RAPGEF4: variants seen among roughly 807,000 people sequenced by gnomAD.
RAPGEF4 encodes Rap guanine nucleotide exchange factor 4.
RAPGEF4 carries 66 observed loss-of-function variants against 147.9 expected under a neutral mutation model. The ratio of observed to expected loss-of-function variants is 0.45; its 90% confidence interval spans 0.37 to 0.55. The LOEUF (loss-of-function observed/expected upper bound fraction) is 0.55. Among genes scored for constraint, RAPGEF4 ranks in the 20% least tolerant of loss-of-function variants. The pLI, the probability that RAPGEF4 is intolerant of heterozygous loss-of-function variation, is 0.00. For synonymous variants in RAPGEF4, 419 were observed against 442.7 expected, an observed-to-expected ratio of 0.95 and a Z score of 0.67; for missense variants, 1,071 against 1,257.3, an observed-to-expected ratio of 0.85 and a Z score of 2.24.
At position 172,925,016 on chromosome 2, in the gene RAPGEF4, T is replaced by C. The variant is rs376636531; in HGVS notation, c.537+2716T>C. Among the ~76,000 whole-genome samples, 23 of 152,292 alleles carry C rather than the reference T, an allele frequency of 1.5e-4. 1 individual carries two copies. The highest frequency in any genetic ancestry group is 3.9e-4 in the East Asian group (2 of 5,184). ...AGGCTGGAGTGCAGTGGCATGATCTTGGCTCACTGCAAGCTCCGCAGTGGC... is the reference window on the plus strand; with the variant it reads ...AGGCTGGAGTGCAGTGGCATGATCTCGGCTCACTGCAAGCTCCGCAGTGGC... On this transcript the variant is annotated intron_variant, in intron 6 of 30. Transcript: ENST00000397081.
At chr2:172,783,956 A>G (rs191792086) in intron 1 of RAPGEF4, among the ~76,000 whole-genome samples, 8 of 152,194 alleles carry the variant, frequency 5.3e-5, no homozygotes, top group Admixed American at 4.6e-4. Context: ...AACTGAGTTT[A>G]AGGAGATTTT....
At chr2:172,872,198 A>G (rs1695321623) in intron 4 of RAPGEF4, among the ~76,000 whole-genome samples, 1 of 152,082 alleles carries the variant, frequency 6.6e-6, no homozygotes, top group Admixed American at 6.6e-5. Context: ...TATCAAATGC[A>G]TTTGTTAGTT....
At chr2:172,919,435 C>T (rs1484759695) in intron 5 of RAPGEF4, among the ~76,000 whole-genome samples, 1 of 152,172 alleles carries the variant, frequency 6.6e-6, no homozygotes, top group African/African-American at 2.4e-5. Context: ...CACGTCCAGA[C>T]TCCATTCCGC....
chr2:172,770,046 G>C lies in RAPGEF4; in HGVS notation c.66-24979G>C, dbSNP rs187323876. Among the ~76,000 whole-genome samples the C allele has an allele frequency of 6.9e-3, 1,051 of 152,184 alleles. 12 individuals are homozygous for C. The highest frequency in any genetic ancestry group is 0.024 in the African/African-American group (1,016 of 41,520). On this transcript the variant is annotated intron_variant, in intron 1 of 30. Transcript: ENST00000397081. ...AGAGGGTGAGACTAATTAAATGCAGGGTTTTTGCTGATGTATTTGGTGGTG... is the reference window on the plus strand; with the variant it reads ...AGAGGGTGAGACTAATTAAATGCAGCGTTTTTGCTGATGTATTTGGTGGTG...
At chr2:172,814,258 C>T (rs377425740) in intron 3 of RAPGEF4, 21 bp from the exon 4 acceptor site, 18 of 1,612,698 alleles carry the variant, frequency 1.1e-5, no homozygotes, top group Admixed American at 6.7e-5. Context: ...TTTCTAATGA[C>T]TAGTTTTTTG....
In RAPGEF4 at chr2:173,018,713, C is replaced by T. The variant is rs1411899994; in HGVS notation, c.2066C>T (p.Ala689Val). The T allele has an allele frequency of 2.5e-6, 4 of 1,613,972 alleles. No individual in the cohort carries two copies. Among genetic ancestry groups the T allele is most frequent in the African/African-American group, 2.7e-5 (2 of 74,880 alleles). ...TACACAACCATTCGGGTGCCAGTGG[C>T]CACTTCGGTGAAGGAAGTCATCAGT... ...HTYTTIRVPV[A>V]TSVKEVISAV... The change falls in exon 22 of 31, where the codon GCC (alanine) becomes GTC (valine). Residue 689 changes from alanine (A) to valine (V), a missense_variant. Transcript: ENST00000397081.
chr2:173,002,362 T>C (rs887962453), intron 17 of RAPGEF4, among the ~76,000 whole-genome samples: 1 of 152,192 alleles, frequency 6.6e-6, no homozygotes, highest in African/African-American at 2.4e-5. Flanking sequence ...GCCAAGTTTA[T>C]TTGGGACAGC....
intron 6 of RAPGEF4, among the ~76,000 whole-genome samples, chr2:172,937,546 T>C (rs1686722566): frequency 6.6e-6 from 1 of 152,188 alleles, no homozygotes; most frequent in Non-Finnish European, 1.5e-5. Context: ...GTATGACTTA[T>C]CACTGTTGAT....
At chr2:172,757,613 A>G (rs192806324) in intron 1 of RAPGEF4, among the ~76,000 whole-genome samples, 7 of 152,354 alleles carry the variant, frequency 4.6e-5, no homozygotes, top group Admixed American at 4.6e-4. Context: ...AGCTGTATGT[A>G]TAATACAAGT....
chr2:172,884,410 T>A (rs1317867804), intron 4 of RAPGEF4, among the ~76,000 whole-genome samples: 2 of 152,240 alleles, frequency 1.3e-5, no homozygotes, highest in African/African-American at 4.8e-5. Context: ...TATCCCTGTT[T>A]GGACTAACAT....
intron 13 of RAPGEF4, 92 bp from the exon 14 acceptor site, chr2:172,988,601 G>GTT: frequency 7.1e-7 from 1 of 1,408,744 alleles, no homozygotes; most frequent in East Asian, 2.3e-5. Context: ...TATCTACAAT[G>GTT]TTTTAGGGGC....
At chr2:172,973,237 C>T (rs1344316440) in intron 10 of RAPGEF4, among the ~76,000 whole-genome samples, 2 of 151,808 alleles carry the variant, frequency 1.3e-5, no homozygotes, top group African/African-American at 2.4e-5. Context: ...CTCAGCCTCC[C>T]GAGTAGCTGG....
In RAPGEF4 at chr2:172,751,498, C is replaced by T. The variant is rs75702949; in HGVS notation, c.65+15450C>T. ...GAGAATATGGAGGTAGAGGAACAGACGGTAAACAAATACAGACAAAACTGC... is the reference window on the plus strand; with the variant it reads ...GAGAATATGGAGGTAGAGGAACAGATGGTAAACAAATACAGACAAAACTGC... On this transcript the variant is annotated intron_variant, in intron 1 of 30. Coordinates refer to ENST00000397081, the MANE Select transcript of RAPGEF4 (RefSeq NM_007023.4). Among the ~76,000 whole-genome samples, 525 of 152,076 alleles carry T rather than the reference C, an allele frequency of 3.5e-3. 14 individuals carry two copies. In the East Asian group the frequency reaches 0.086, roughly 25 times the overall value.
intron 4 of RAPGEF4, chr2:172,814,881 T>C (rs1209910599): frequency 2.6e-5 from 6 of 233,186 alleles, no homozygotes; most frequent in Admixed American, 5.1e-5. Flanking sequence ...ATATGAGAAA[T>C]GGAGGTACAT....
intron 22 of RAPGEF4, among the ~76,000 whole-genome samples, chr2:173,019,413 C>T (rs778786071): frequency 1.2e-4 from 18 of 152,216 alleles, no homozygotes; most frequent in Admixed American, 7.2e-4. Flanking sequence ...ACACAGCTCA[C>T]GTCCCCAGGT....
chr2:172,824,366 G>A (rs1689434553), intron 4 of RAPGEF4, among the ~76,000 whole-genome samples: 1 of 152,146 alleles, frequency 6.6e-6, no homozygotes, highest in African/African-American at 2.4e-5. Context: ...TTCAGCAGTG[G>A]GTTTTGGTAA....
chr2:173,037,779 T>C (rs1407449534), intron 29 of RAPGEF4, among the ~76,000 whole-genome samples: 4 of 152,148 alleles, frequency 2.6e-5, no homozygotes, highest in South Asian at 2.1e-4. Context: ...TTTATACTTG[T>C]CCCTTAACTT....
chr2:172,818,409 A>C (rs775563598), intron 4 of RAPGEF4, among the ~76,000 whole-genome samples: 9 of 152,236 alleles, frequency 5.9e-5, no homozygotes, highest in Non-Finnish European at 1.0e-4. Context: ...GGTCAACTGG[A>C]TAAGGCCTCC....
chr2:172,858,906 G>A (rs1266343562), intron 4 of RAPGEF4, among the ~76,000 whole-genome samples: 5 of 152,038 alleles, frequency 3.3e-5, no homozygotes, highest in African/African-American at 1.2e-4. Flanking sequence ...TGGGGGGTGC[G>A]GTTGGGGAAG....
Sources: allele counts gnomAD v4.1 joint callset (sites outside exome capture counted in the v4.1 genomes callset), GRCh38; gene constraint gnomAD v4.1.1; transcripts MANE v1.5; gene names NCBI Gene and HGNC (gene_info 2026-07-23, HGNC 2026-07-21).